The following KLRG1 variants were observed in gnomAD, a reference collection of about 807,000 sequenced individuals.
The protein encoded by KLRG1 is killer cell lectin-like receptor subfamily G member 1.
Under a neutral mutation model 21.8 loss-of-function variants are expected in KLRG1, and 16 were observed. That is an observed-to-expected ratio of 0.73 (90% CI 0.50 to 1.11). KLRG1 has a LOEUF of 1.11. Ranked by LOEUF, KLRG1 falls within the 50% of genes most tolerant of loss-of-function variation. The pLI, the probability that KLRG1 is intolerant of heterozygous loss-of-function variation, is 0.00. For missense variants in KLRG1, 173 were observed against 218.3 expected (o/e 0.79, Z 1.31); for synonymous variants, 69 against 75.9 (o/e 0.91, Z 0.47).
At chr12:9,149,098 G>C in the KLRG1 span, 1 of 986,054 alleles carries the variant, frequency 1.0e-6, no homozygotes, top group Admixed American at 1.8e-5. Flanking sequence ...GAAACTTTGT[G>C]AAAGGCCAGA....
At chr12:9,055,968 C>T in the KLRG1 span, among the ~76,000 whole-genome samples, 1 of 152,186 alleles carries the variant, frequency 6.6e-6, no homozygotes, top group Non-Finnish European at 1.5e-5. Flanking sequence ...CTCTCCAAAG[C>T]TGTATAGTTC....
chr12:9,094,839 C>A, the KLRG1 span: 1 of 427,408 alleles, frequency 2.3e-6, no homozygotes, highest in Non-Finnish European at 4.0e-6. Flanking sequence ...ACTATATGAC[C>A]TTGAGCAATA....
the KLRG1 span, chr12:9,192,553 G>A: frequency 6.2e-7 from 1 of 1,614,150 alleles, no homozygotes; most frequent in Non-Finnish European, 8.5e-7. Context: ...CCCATGGCCT[G>A]TCTATTCAGT....
At chr12:9,095,828 C>T in the KLRG1 span, 6 of 695,044 alleles carry the variant, frequency 8.6e-6, no homozygotes, top group South Asian at 6.7e-5. Flanking sequence ...GGCGCAATCT[C>T]GGCTCACTGC....
chr12:9,156,999 A>T, the KLRG1 span, among the ~76,000 whole-genome samples: 1 of 151,998 alleles, frequency 6.6e-6, no homozygotes, highest in Non-Finnish European at 1.5e-5. Context: ...TAGGTGTGCC[A>T]TGGTGGTTTG....
chr12:9,080,908 G>A, the KLRG1 span, among the ~76,000 whole-genome samples: 3 of 151,856 alleles, frequency 2.0e-5, no homozygotes, highest in Non-Finnish European at 4.4e-5. Flanking sequence ...AGGACAAATG[G>A]CTAAGCAAAA....
the KLRG1 span, among the ~76,000 whole-genome samples, chr12:9,061,746 T>C: frequency 6.6e-6 from 1 of 152,310 alleles, no homozygotes; most frequent in South Asian, 2.1e-4. Context: ...GTTAGAGCTT[T>C]TAACCCCACA....
At chr12:8,987,620 T>G (rs906131221), upstream of KLRG1, 3 of 152,340 alleles carry the variant, frequency 2.0e-5, no homozygotes, top group South Asian at 2.1e-4. Context: ...TTAATCACAC[T>G]GCAAAACTGA....
chr12:9,032,226 T>G, the KLRG1 span, among the ~76,000 whole-genome samples: 1 of 152,172 alleles, frequency 6.6e-6, no homozygotes, highest in African/African-American at 2.4e-5. Flanking sequence ...GAATTTTGGC[T>G]AAAATCTAAA....
At chr12:9,190,522 A>G in the KLRG1 span, among the ~76,000 whole-genome samples, 1 of 152,092 alleles carries the variant, frequency 6.6e-6, no homozygotes, top group Non-Finnish European at 1.5e-5. Context: ...GAGGGAGAGC[A>G]GAAGACATTG....
At chr12:9,203,667 G>A in the KLRG1 span, 1 of 1,392,706 alleles carries the variant, frequency 7.2e-7, no homozygotes, top group Non-Finnish European at 9.9e-7. Context: ...CATTCTTAAA[G>A]TCATACCTTG....
chr12:9,093,415 TAGTC>T, the KLRG1 span: 1 of 1,275,446 alleles, frequency 7.8e-7, no homozygotes, highest in Non-Finnish European at 1.1e-6. Flanking sequence ...GAGTTGAAAA[TAGTC>T]AGGGACCTCT....
At chr12:9,039,367 A>T in the KLRG1 span, among the ~76,000 whole-genome samples, 1 of 152,268 alleles carries the variant, frequency 6.6e-6, no homozygotes, top group Non-Finnish European at 1.5e-5. Context: ...TAGAATGATT[A>T]AAAAGTATTT....
chr12:9,100,317 A>G, the KLRG1 span, among the ~76,000 whole-genome samples: 1 of 152,192 alleles, frequency 6.6e-6, no homozygotes, highest in Non-Finnish European at 1.5e-5. Context: ...ATTCTCTAAC[A>G]CAATTCTCAT....
the KLRG1 span, among the ~76,000 whole-genome samples, chr12:9,040,816 A>G: frequency 6.6e-6 from 1 of 152,188 alleles, no homozygotes; most frequent in Non-Finnish European, 1.5e-5. Flanking sequence ...TAGAATTCAG[A>G]TTCCTTTTTC....
the KLRG1 span, among the ~76,000 whole-genome samples, chr12:9,022,621 A>C: frequency 1.1e-4 from 16 of 152,126 alleles, no homozygotes; most frequent in Admixed American, 1.0e-3. Flanking sequence ...GCATGATCAG[A>C]GGGCTGGGAT....
the KLRG1 span, among the ~76,000 whole-genome samples, chr12:9,078,273 T>C: frequency 2.0e-5 from 2 of 101,058 alleles, no homozygotes; most frequent in African/African-American, 1.1e-4. Context: ...CTCCCACTTA[T>C]GAGTGAGAAA....
At chr12:9,207,176 C>T in the KLRG1 span, among the ~76,000 whole-genome samples, 1 of 152,176 alleles carries the variant, frequency 6.6e-6, no homozygotes. Context: ...ACACACAGAG[C>T]AGAGGGACCC....
the KLRG1 span, among the ~76,000 whole-genome samples, chr12:9,056,564 GGT>G: frequency 4.4e-3 from 417 of 95,854 alleles, 3 homozygotes; most frequent in African/African-American, 0.013. Context: ...TTACTTGGGG[GGT>G]GTGTGTGTGT....
Sources: allele counts gnomAD v4.1 joint callset (sites outside exome capture counted in the v4.1 genomes callset), GRCh38; gene constraint gnomAD v4.1.1; transcripts MANE v1.5; gene names NCBI Gene and HGNC (gene_info 2026-07-23, HGNC 2026-07-21).